OPN5: variants seen among roughly 807,000 people sequenced by gnomAD.
OPN5 encodes the protein opsin-5.
In OPN5, 18 loss-of-function variants were observed where a neutral mutation model predicts 41.7. That is an observed-to-expected ratio of 0.43 (90% CI 0.30 to 0.64). The LOEUF (loss-of-function observed/expected upper bound fraction) is 0.64, where lower values mean the gene tolerates loss of function less well. OPN5 is among the 30% of genes least tolerant of loss of function. The pLI is 0.13. For synonymous variants in OPN5, 178 were observed against 164.3 expected, an observed-to-expected ratio of 1.08 and a Z score of -0.64; for missense variants, 318 against 434.5, an observed-to-expected ratio of 0.73 and a Z score of 2.38.
At chr6:47,796,072 T>C (rs1773561279) in intron 4 of OPN5, among the ~76,000 whole-genome samples, 1 of 152,184 alleles carries the variant, frequency 6.6e-6, no homozygotes, top group South Asian at 2.1e-4. Context: ...ACGAGCAGTT[T>C]CTGCAGGCTT....
intron 4 of OPN5, among the ~76,000 whole-genome samples, chr6:47,799,196 GTATA>G (rs377613785): frequency 1.4e-5 from 2 of 146,720 alleles, no homozygotes; most frequent in Admixed American, 6.8e-5. Flanking sequence ...GAGGTGTGAT[GTATA>G]TATATATATA....
chr6:47,791,878 T>C (rs533805784), exon 3 of OPN5: 2 of 1,614,046 alleles, frequency 1.2e-6, no homozygotes, highest in South Asian at 1.1e-5. Context: ...GCCGCTGGTA[T>C]GGATGGGCTG....
At chr6:47,809,293 T>C (rs1404245920) in intron 5 of OPN5, among the ~76,000 whole-genome samples, 1 of 152,200 alleles carries the variant, frequency 6.6e-6, no homozygotes, top group Non-Finnish European at 1.5e-5. Flanking sequence ...TATTTCTTAA[T>C]ACTTCTTCCC....
exon 5 of OPN5, chr6:47,808,154 G>A: frequency 1.2e-6 from 2 of 1,613,624 alleles, no homozygotes; most frequent in South Asian, 1.1e-5. Flanking sequence ...CCCTCATCAG[G>A]TAGCGATGTT....
At chr6:47,799,221 C>T (rs917756460) in intron 4 of OPN5, among the ~76,000 whole-genome samples, 39 of 141,546 alleles carry the variant, frequency 2.8e-4, no homozygotes, top group African/African-American at 6.7e-4. Context: ...TATATATACA[C>T]ACACACACAC....
At chr6:47,798,033 G>A (rs1561895097) in intron 4 of OPN5, among the ~76,000 whole-genome samples, 1 of 151,876 alleles carries the variant, frequency 6.6e-6, no homozygotes, top group Non-Finnish European at 1.5e-5. Flanking sequence ...AGATCAAATA[G>A]GCTTGCCCTA....
At position 47,791,561 on chromosome 6, in the gene OPN5, T is replaced by C. The variant is rs562565606; in HGVS notation, c.251-241T>C. 1.3e-4 allele frequency among the ~76,000 whole-genome samples: 20 copies of C among 152,334 alleles called. 1 individual carries two copies. In the South Asian group the frequency reaches 3.9e-3, roughly 30 times the overall value. On this transcript the variant is annotated intron_variant, in intron 2 of 6. Transcript: ENST00000371211. ...TAATTACTTTAAAGTTTTCCTTCTA[T>C]ATCCTTTCACTGTCTTTGGCTATTG...
chr6:47,823,943 G>A (rs1412945709), intron 6 of OPN5, 40 bp from the exon 7 acceptor site: 8 of 1,512,532 alleles, frequency 5.3e-6, no homozygotes, highest in Non-Finnish European at 7.2e-6. Flanking sequence ...CTTACTGGCT[G>A]TGTGCCTCAC....
intron 2 of OPN5, among the ~76,000 whole-genome samples, chr6:47,790,423 C>T (rs1002084876): frequency 1.3e-5 from 2 of 152,114 alleles, no homozygotes; most frequent in Admixed American, 1.3e-4. Context: ...CTCTGTGTCT[C>T]TCTCTCATAG....
At chr6:47,795,875 G>C (rs1407491713) in intron 4 of OPN5, among the ~76,000 whole-genome samples, 1 of 151,868 alleles carries the variant, frequency 6.6e-6, no homozygotes, top group Admixed American at 6.6e-5. Flanking sequence ...CTGCTGAATA[G>C]GGTACTATTG....
intron 4 of OPN5, among the ~76,000 whole-genome samples, chr6:47,796,572 A>G (rs549126201): frequency 6.6e-6 from 1 of 152,304 alleles, no homozygotes; most frequent in African/African-American, 2.4e-5. Flanking sequence ...ATAAAAATAA[A>G]GGTAGATTGA....
At chr6:47,798,977 C>T (rs1379775167) in intron 4 of OPN5, among the ~76,000 whole-genome samples, 1 of 152,064 alleles carries the variant, frequency 6.6e-6, no homozygotes, top group Non-Finnish European at 1.5e-5. Context: ...ATTCTGAGAT[C>T]AAAATCATTT....
intron 6 of OPN5, among the ~76,000 whole-genome samples, chr6:47,820,795 C>A (rs7740768): frequency 0.27 from 41,617 of 151,986 alleles, 5,796 homozygotes; most frequent in African/African-American, 0.29. Flanking sequence ...TGAACAATGT[C>A]GGGGTTAAGG....
chr6:47,803,967 G>T lies in OPN5; in HGVS notation c.757-4187G>T, dbSNP rs563592933. ...TCTTAGAAACATTACCTGCTGGAATGCTTCAGATGTATTAGACCCAGAGGC... is the reference window on the plus strand; with the variant it reads ...TCTTAGAAACATTACCTGCTGGAATTCTTCAGATGTATTAGACCCAGAGGC... On this transcript the variant is annotated intron_variant, in intron 4 of 6. Transcript: ENST00000371211. Among the ~76,000 whole-genome samples the T allele has an allele frequency of 7.2e-5, 11 of 152,294 alleles. No individual in the cohort carries two copies. The South Asian group carries it at 2.3e-3, about 32-fold the overall frequency.
chr6:47,823,985 G>A lies in OPN5; in HGVS notation c.1059G>A (p.Trp353Ter), dbSNP rs1762716629. Residue 353 changes from tryptophan (W) to a stop codon, truncating the protein, a stop_gained and splice_region_variant, in exon 7 of 7, where the codon TGG (tryptophan) becomes TGA (stop). Coordinates refer to ENST00000371211, the Ensembl canonical transcript of OPN5. LOFTEE classifies it high-confidence loss of function. ...ACTCAATTTTTTCTTCTCTACAGTG[G>A]GAATAACAAATGTTCTGGTTGTGAA... The A allele has an allele frequency of 6.5e-7, 1 of 1,550,090 alleles. No individual in the cohort carries two copies. The highest frequency in any genetic ancestry group is 2.0e-5 in the Admixed American group (1 of 50,966).
chr6:47,795,096 G>GTTATCT, intron 3 of OPN5, 133 bp from the exon 4 acceptor site: 1 of 705,444 alleles, frequency 1.4e-6, no homozygotes, highest in East Asian at 2.7e-5. Context: ...CTCTCCCTCA[G>GTTATCT]GCTTCAGTTA....
At chr6:47,800,397 C>T (rs1273550638) in intron 4 of OPN5, among the ~76,000 whole-genome samples, 2 of 152,124 alleles carry the variant, frequency 1.3e-5, no homozygotes, top group Non-Finnish European at 2.9e-5. Flanking sequence ...TCTTGAGCTG[C>T]GTCTGCCCAG....
chr6:47,786,281 C>T (rs898636340), intron 1 of OPN5, among the ~76,000 whole-genome samples: 4 of 152,190 alleles, frequency 2.6e-5, no homozygotes, highest in South Asian at 2.1e-4. Flanking sequence ...GGGAAGTTAG[C>T]GATGCCTTTT....
At chr6:47,813,431 G>T (rs1273177450) in intron 6 of OPN5, among the ~76,000 whole-genome samples, 2 of 152,158 alleles carry the variant, frequency 1.3e-5, no homozygotes, top group African/African-American at 4.8e-5. Flanking sequence ...AAGCACCCCT[G>T]GGTACCAACA....
Sources: allele counts gnomAD v4.1 joint callset (sites outside exome capture counted in the v4.1 genomes callset), GRCh38; gene constraint gnomAD v4.1.1; transcripts MANE v1.5; gene names NCBI Gene and HGNC (gene_info 2026-07-23, HGNC 2026-07-21).